Variants in GPHN observed in about 807,000 individuals in gnomAD.
GPHN encodes gephyrin.
Under a neutral mutation model 95.5 loss-of-function variants are expected in GPHN, and 17 were observed. The observed-to-expected ratio is 0.18, with a 90% CI of 0.12 to 0.27. GPHN has a LOEUF of 0.27. Ranked by LOEUF, GPHN falls within the 10% of genes least tolerant of loss-of-function variation. The pLI, the probability that GPHN is intolerant of heterozygous loss-of-function variation, is 1.00. For missense variants in GPHN, 660 were observed against 978.1 expected (o/e 0.67, Z 4.34); for synonymous variants, 320 against 322.5 (o/e 0.99, Z 0.08).
At chr14:66,510,468 A>AAG (rs1478264604) in intron 1 of GPHN, among the ~76,000 whole-genome samples, 4 of 152,234 alleles carry the variant, frequency 2.6e-5, no homozygotes, top group Admixed American at 2.6e-4. Flanking sequence ...CTGCTTTGAA[A>AAG]GATGCAGCCC....
chr14:67,223,854 T>C, the GPHN span: 2 of 985,632 alleles, frequency 2.0e-6, no homozygotes, highest in African/African-American at 3.5e-5. Context: ...TTACTCTCAC[T>C]TAACACCCTG....
chr14:67,067,953 G>A (rs937366860), intron 11 of GPHN, among the ~76,000 whole-genome samples: 4 of 152,168 alleles, frequency 2.6e-5, no homozygotes, highest in African/African-American at 9.7e-5. Context: ...GCCCTCCATG[G>A]GCTGCACCCA....
chr14:66,525,335 G>A (rs8022010), intron 1 of GPHN, among the ~76,000 whole-genome samples: 51,908 of 151,922 alleles, frequency 0.34, 13,427 homozygotes, highest in African/African-American at 0.7. Context: ...CCACTTTTTG[G>A]TGGGGTTGTT....
the GPHN span, among the ~76,000 whole-genome samples, chr14:67,370,080 G>A: frequency 0.16 from 23,669 of 152,246 alleles, 3,486 homozygotes; most frequent in East Asian, 0.42. Flanking sequence ...GGGATGGGCC[G>A]AATTAATTGC....
At chr14:67,402,347 G>C in the GPHN span, among the ~76,000 whole-genome samples, 1 of 151,978 alleles carries the variant, frequency 6.6e-6, no homozygotes, top group Non-Finnish European at 1.5e-5. Context: ...TTTTGATACA[G>C]GCATACATTG....
At chr14:67,419,813 C>T in the GPHN span, among the ~76,000 whole-genome samples, 2 of 151,544 alleles carry the variant, frequency 1.3e-5, no homozygotes, top group Admixed American at 6.6e-5. Flanking sequence ...CGCGCCACGG[C>T]ACTCCAGCCT....
chr14:66,726,300 A>G (rs1002399875), intron 2 of GPHN, among the ~76,000 whole-genome samples: 2 of 152,234 alleles, frequency 1.3e-5, no homozygotes, highest in Non-Finnish European at 2.9e-5. Flanking sequence ...CAGCAGTAGC[A>G]TAATAGCAAA....
chr14:67,522,953 C>A, the GPHN span, among the ~76,000 whole-genome samples: 2 of 152,158 alleles, frequency 1.3e-5, no homozygotes, highest in African/African-American at 4.8e-5. Context: ...TCTCAGATGC[C>A]AATTAATTAA....
At chr14:66,994,217 T>A (rs1225322752) in intron 9 of GPHN, among the ~76,000 whole-genome samples, 1 of 151,920 alleles carries the variant, frequency 6.6e-6, no homozygotes, top group Non-Finnish European at 1.5e-5. Flanking sequence ...AATACAAAAA[T>A]TAGCCGGGCA....
the GPHN span, among the ~76,000 whole-genome samples, chr14:67,351,236 C>A: frequency 6.6e-6 from 1 of 152,022 alleles, no homozygotes. Context: ...CAGAAACAAC[C>A]CCAGGTCTAT....
At chr14:67,609,901 GGCT>G in the GPHN span, among the ~76,000 whole-genome samples, 2 of 114,962 alleles carry the variant, frequency 1.7e-5, no homozygotes, top group African/African-American at 1.3e-4. Flanking sequence ...GTCTGCACAA[GGCT>G]CCTGTCCTGG....
At chr14:67,372,387 TTAGA>T in the GPHN span, among the ~76,000 whole-genome samples, 5 of 152,220 alleles carry the variant, frequency 3.3e-5, no homozygotes, top group Admixed American at 6.5e-5. Flanking sequence ...CAAAGATTTC[TTAGA>T]TAGCACACTA....
chr14:67,061,701 T>A (rs553095342), intron 11 of GPHN, among the ~76,000 whole-genome samples: 1 of 152,208 alleles, frequency 6.6e-6, no homozygotes, highest in African/African-American at 2.4e-5. Flanking sequence ...TTTAAGAGAC[T>A]AGGTCTCACT....
chr14:66,846,834 T>C (rs1368723958), intron 4 of GPHN, among the ~76,000 whole-genome samples: 2 of 152,158 alleles, frequency 1.3e-5, no homozygotes, highest in African/African-American at 4.8e-5. Context: ...TGTTCTTGAA[T>C]GTAATTGCAA....
At chr14:67,096,854 G>A (rs1391657677) in intron 12 of GPHN, among the ~76,000 whole-genome samples, 1 of 151,590 alleles carries the variant, frequency 6.6e-6, no homozygotes, top group Admixed American at 6.6e-5. Flanking sequence ...TCAAACTCCT[G>A]AGCTGAAGTG....
intron 5 of GPHN, among the ~76,000 whole-genome samples, chr14:66,910,433 A>T (rs1214450969): frequency 6.6e-6 from 1 of 151,922 alleles, no homozygotes; most frequent in African/African-American, 2.4e-5. Context: ...GAGAAGCAGC[A>T]ACAGTGTGTT....
intron 3 of GPHN, among the ~76,000 whole-genome samples, chr14:66,781,432 G>C (rs1298083937): frequency 6.6e-6 from 1 of 151,980 alleles, no homozygotes; most frequent in Non-Finnish European, 1.5e-5. Flanking sequence ...GGCCAGGCTG[G>C]TCTCGAACCT....
the GPHN span, among the ~76,000 whole-genome samples, chr14:67,432,141 G>A: frequency 4.5e-4 from 68 of 152,174 alleles, 2 homozygotes; most frequent in Non-Finnish European, 7.8e-4. Flanking sequence ...AAGAATGTGT[G>A]CTCATAAATT....
chr14:66,948,322 A>C (rs1240085586), intron 8 of GPHN, among the ~76,000 whole-genome samples: 1 of 152,296 alleles, frequency 6.6e-6, no homozygotes, highest in East Asian at 1.9e-4. Context: ...TGAATATTTA[A>C]ATTTTTAAGT....
Sources: gnomAD v4.1 joint callset for allele counts (sites outside exome capture counted in the v4.1 genomes callset) on GRCh38, gnomAD v4.1.1 for gene constraint, MANE v1.5 for transcripts, NCBI Gene and HGNC (gene_info 2026-07-23, HGNC 2026-07-21) for gene names.